OR2I1: variants seen among roughly 807,000 people sequenced by gnomAD.
The protein encoded by OR2I1 is olfactory receptor family 2 subfamily I member 1 (gene/pseudogene).
At chr6:29,552,270 A>G in the OR2I1 span, among the ~76,000 whole-genome samples, 1 of 152,250 alleles carries the variant, frequency 6.6e-6, no homozygotes, top group African/African-American at 2.4e-5. Context: ...CTTGATTTAC[A>G]TATGAAAAAA....
At chr6:29,553,763 C>T in the OR2I1 span, 1 of 398,614 alleles carries the variant, frequency 2.5e-6, no homozygotes, top group African/African-American at 2.1e-5. Context: ...GAGCTGCCGG[C>T]GTTGCTCAAG....
chr6:29,556,538 A>AT, the OR2I1 span: 1 of 562,076 alleles, frequency 1.8e-6, no homozygotes, highest in African/African-American at 1.9e-5. Flanking sequence ...AAATAAGATA[A>AT]TTTGTCCCAT....
the OR2I1 span, chr6:29,554,548 C>A: frequency 1.9e-5 from 3 of 159,584 alleles, no homozygotes; most frequent in Non-Finnish European, 4.1e-5. Context: ...GGAGAGGGTA[C>A]ATCCAGAAAA....
the OR2I1 span, chr6:29,553,524 A>C: frequency 2.5e-6 from 1 of 398,610 alleles, no homozygotes; most frequent in Non-Finnish European, 4.4e-6. Flanking sequence ...AGCTGTGCGC[A>C]TCGCTGGCTC....
the OR2I1 span, chr6:29,553,316 G>A: frequency 7.5e-6 from 3 of 399,720 alleles, no homozygotes; most frequent in Non-Finnish European, 1.3e-5. Flanking sequence ...GTCCTCCTGT[G>A]CTACCTCCTG....
the OR2I1 span, chr6:29,556,061 A>T: frequency 1.2e-6 from 2 of 1,613,084 alleles, no homozygotes; most frequent in Non-Finnish European, 1.7e-6. Context: ...GGACCTTCGC[A>T]CCTGGAGGAG....
At chr6:29,555,938 T>A in the OR2I1 span, 1 of 1,613,112 alleles carries the variant, frequency 6.2e-7, no homozygotes, top group East Asian at 2.2e-5. Flanking sequence ...GATGCCGTAA[T>A]CTGCCATCAT....
the OR2I1 span, chr6:29,552,990 T>G: frequency 2.7e-6 from 1 of 366,422 alleles, no homozygotes; most frequent in Non-Finnish European, 4.9e-6. Context: ...GTGATCATTC[T>G]GCCTACCGAG....
At chr6:29,553,943 G>A in the OR2I1 span, 4 of 398,676 alleles carry the variant, frequency 1.0e-5, no homozygotes, top group Non-Finnish European at 1.8e-5. Context: ...GGCACGTGTG[G>A]GTCCCACCTG....
At chr6:29,554,900 A>G in the OR2I1 span, 1 of 152,328 alleles carries the variant, frequency 6.6e-6, no homozygotes, top group Admixed American at 6.5e-5. Flanking sequence ...GGAGGAAGGG[A>G]CTCAAGTTCT....
chr6:29,555,051 G>A, the OR2I1 span: 1 of 152,358 alleles, frequency 6.6e-6, no homozygotes, highest in Admixed American at 6.5e-5. Context: ...TCATCCTGGA[G>A]AAGACCTGCT....
the OR2I1 span, chr6:29,556,341 G>A: frequency 1.2e-5 from 20 of 1,609,568 alleles, no homozygotes; most frequent in Admixed American, 1.0e-4. Context: ...TCCTCGGAAC[G>A]GACATGCACC....
chr6:29,551,648 A>C, the OR2I1 span, among the ~76,000 whole-genome samples: 1 of 151,822 alleles, frequency 6.6e-6, no homozygotes, highest in Non-Finnish European at 1.5e-5. Flanking sequence ...CATTTATTAA[A>C]GGATGACAGT....
chr6:29,556,158 T>A, the OR2I1 span: 2 of 1,612,990 alleles, frequency 1.2e-6, no homozygotes, highest in African/African-American at 2.7e-5. Flanking sequence ...GTAAGGTGGA[T>A]GGTCTTCTCT....
the OR2I1 span, chr6:29,557,173 T>G: frequency 1.3e-5 from 2 of 152,322 alleles, no homozygotes; most frequent in Admixed American, 1.3e-4. Flanking sequence ...CCCTTACACT[T>G]AAAGAATAAA....
the OR2I1 span, chr6:29,555,098 G>A: frequency 6.6e-6 from 1 of 152,214 alleles, no homozygotes; most frequent in Non-Finnish European, 1.5e-5. Flanking sequence ...GTGGTCCACA[G>A]TCCCCCAGCT....
the OR2I1 span, chr6:29,555,419 T>C: frequency 1.2e-5 from 2 of 161,272 alleles, no homozygotes; most frequent in South Asian, 1.9e-4. Context: ...CACTATGCTC[T>C]ATAAGTAGAA....
chr6:29,555,772 A>C, the OR2I1 span: 1 of 819,680 alleles, frequency 1.2e-6, no homozygotes, highest in Non-Finnish European at 1.9e-6. Flanking sequence ...TACTCTACTC[A>C]TCTCATTCTC....
chr6:29,554,219 C>A, the OR2I1 span: 1 of 398,352 alleles, frequency 2.5e-6, no homozygotes, highest in Non-Finnish European at 4.4e-6. Context: ...TGGAAATACC[C>A]CTTAGTGAGT....
Sources: gnomAD v4.1 joint callset for allele counts (sites outside exome capture counted in the v4.1 genomes callset) on GRCh38, gnomAD v4.1.1 for gene constraint, MANE v1.5 for transcripts, NCBI Gene and HGNC (gene_info 2026-07-23, HGNC 2026-07-21) for gene names.